RNFT2: variants seen among roughly 807,000 people sequenced by gnomAD.
RNFT2 encodes the protein E3 ubiquitin-protein ligase RNFT2.
In RNFT2, 36 loss-of-function variants were observed where a neutral mutation model predicts 53.0. The ratio of observed to expected loss-of-function variants is 0.68; its 90% CI spans 0.52 to 0.90. The LOEUF is 0.90. Among genes scored for constraint, RNFT2 ranks in the 40% least tolerant of loss-of-function variants. The pLI, the probability that RNFT2 is intolerant of heterozygous loss-of-function variation, is 0.00. For synonymous variants in RNFT2, 260 were observed against 253.2 expected (o/e 1.03, Z -0.26); for missense variants, 514 against 585.6 (o/e 0.88, Z 1.26).
At chr12:116,829,928 C>G (rs903403315) in intron 7 of RNFT2, among the ~76,000 whole-genome samples, 1 of 151,882 alleles carries the variant, frequency 6.6e-6, no homozygotes, top group Non-Finnish European at 1.5e-5. Flanking sequence ...TATAAAAAAT[C>G]TGGAGAGAGC....
At chr12:116,793,584 C>T (rs1184873340) in intron 7 of RNFT2, among the ~76,000 whole-genome samples, 1 of 152,200 alleles carries the variant, frequency 6.6e-6, no homozygotes, top group Non-Finnish European at 1.5e-5. Flanking sequence ...GTCTCTTGCT[C>T]ACTCAGGACC....
chr12:116,830,683 G>C (rs78903267), intron 7 of RNFT2, among the ~76,000 whole-genome samples: 3,963 of 152,198 alleles, frequency 0.026, 159 homozygotes, highest in African/African-American at 0.089. Flanking sequence ...AGTGAAGTAG[G>C]TGGATCACCT....
At chr12:116,748,445 C>T (rs1036067946) in intron 3 of RNFT2, among the ~76,000 whole-genome samples, 1 of 152,196 alleles carries the variant, frequency 6.6e-6, no homozygotes, top group Non-Finnish European at 1.5e-5. Context: ...CTAGAGATAA[C>T]AGTTCCCACG....
At chr12:116,828,455 T>G (rs1876459260) in intron 7 of RNFT2, among the ~76,000 whole-genome samples, 1 of 152,186 alleles carries the variant, frequency 6.6e-6, no homozygotes, top group Middle Eastern at 3.2e-3. Flanking sequence ...CATGCCTCAA[T>G]TCTGGGGCCC....
intron 10 of RNFT2, among the ~76,000 whole-genome samples, 183 bp downstream of exon 10, chr12:116,836,465 C>G (rs369325063): frequency 2.1e-4 from 32 of 152,286 alleles, no homozygotes; most frequent in African/African-American, 7.2e-4. Flanking sequence ...GACTTGGGCA[C>G]GTTATTTCAC....
In RNFT2 at chr12:116,841,880, T is replaced by TAA. The variant is rs1276974940; in HGVS notation, c.1200+5600_1200+5601dup. On this transcript the variant is annotated intron_variant, in intron 10 of 10. Coordinates refer to ENST00000257575, the MANE Select transcript of RNFT2 (RefSeq NM_001382266.1). ...AAAAATATATATATAAATATATATA[T>TAA]AAATATATATAAAAATATATATATA... 8.7e-3 allele frequency among the ~76,000 whole-genome samples: 216 copies of TAA among 24,788 alleles called. 11 individuals are homozygous for TAA. The highest frequency in any genetic ancestry group is 0.016 in the Non-Finnish European group (179 of 11,018). The allele number at this position is 24,788 out of a possible 152,430, so 16.3% of individuals were successfully genotyped here. A position where few individuals can be genotyped will look rare whatever the true frequency, so the allele number is the denominator to read the frequency against.
At chr12:116,751,444 C>A (rs1176194205) in intron 4 of RNFT2, among the ~76,000 whole-genome samples, 1 of 151,938 alleles carries the variant, frequency 6.6e-6, no homozygotes, top group African/African-American at 2.4e-5. Flanking sequence ...GCTCTTGTTG[C>A]CCAGGCTGGA....
At chr12:116,782,536 AT>A (rs1193282931) in intron 7 of RNFT2, among the ~76,000 whole-genome samples, 3 of 152,166 alleles carry the variant, frequency 2.0e-5, no homozygotes, top group Non-Finnish European at 4.4e-5. Context: ...CTTAAAAAAA[AT>A]AAAATAAAAA....
chr12:116,792,579 T>C (rs1158833070), intron 7 of RNFT2, among the ~76,000 whole-genome samples: 1 of 152,072 alleles, frequency 6.6e-6, no homozygotes, highest in African/African-American at 2.4e-5. Context: ...TTGATGATGA[T>C]TATTTTATTC....
chr12:116,751,516 G>A (rs1872249976), intron 4 of RNFT2, among the ~76,000 whole-genome samples: 1 of 151,758 alleles, frequency 6.6e-6, no homozygotes, highest in African/African-American at 2.4e-5. Flanking sequence ...CAATTCTCCT[G>A]CCTCAGCCTC....
At position 116,849,346 on chromosome 12, in the gene RNFT2, G is replaced by GC. The variant is rs1290595176; in HGVS notation, c.1234dup (p.Leu412ProfsTer4). The GC allele has an allele frequency of 6.5e-7, 1 of 1,543,704 alleles. No individual in the cohort carries two copies. Among genetic ancestry groups the GC allele is most frequent in the African/African-American group, 1.4e-5 (1 of 73,056 alleles). On this transcript the variant is annotated frameshift_variant, in exon 11 of 11. Transcript: ENST00000257575. LOFTEE classifies it high-confidence loss of function. Reference sequence around the variant, plus strand: ...TCTGTGAGGAGTGCCTCTGCCTGTGGCTGGACCGTGAGCGCACCTGCCCGC... The same window carrying GC: ...TCTGTGAGGAGTGCCTCTGCCTGTGGCCTGGACCGTGAGCGCACCTGCCCGC...
chr12:116,750,846 TATATA>T (rs375474437), intron 4 of RNFT2, among the ~76,000 whole-genome samples: 2 of 1,984 alleles, frequency 1.0e-3, no homozygotes, highest in Non-Finnish European at 1.6e-3. Context: ...ATATTATATA[TATATA>T]ATATATATTA....
At chr12:116,767,393 A>C (rs564527963) in intron 6 of RNFT2, among the ~76,000 whole-genome samples, 1 of 151,616 alleles carries the variant, frequency 6.6e-6, no homozygotes, top group African/African-American at 2.4e-5. Context: ...TAATTTTTAC[A>C]TTTTTTGTAG....
At chr12:116,845,343 T>C (rs984752240) in intron 10 of RNFT2, among the ~76,000 whole-genome samples, 29 of 151,238 alleles carry the variant, frequency 1.9e-4, no homozygotes, top group Non-Finnish European at 3.4e-4. Context: ...TAATTCCTCA[T>C]GCAATGCTTT....
intron 7 of RNFT2, among the ~76,000 whole-genome samples, chr12:116,800,853 TAA>T (rs769132565): frequency 0.014 from 2,150 of 148,504 alleles, 38 homozygotes; most frequent in South Asian, 0.05. Context: ...TAAAATAAAA[TAA>T]AATAAAAACC....
intron 10 of RNFT2, among the ~76,000 whole-genome samples, chr12:116,843,362 G>A (rs910147555): frequency 6.6e-6 from 1 of 151,686 alleles, no homozygotes; most frequent in Non-Finnish European, 1.5e-5. Context: ...GTGCCATGGT[G>A]CCTGCCTGTA....
At chr12:116,766,793 T>A in intron 5 of RNFT2, 21 bp from the exon 6 acceptor site, 1 of 1,556,432 alleles carries the variant, frequency 6.4e-7, no homozygotes, top group Non-Finnish European at 8.7e-7. Flanking sequence ...TGATATCACA[T>A]ATCTCTTGCT....
intron 3 of RNFT2, chr12:116,748,544 G>A: frequency 4.6e-6 from 1 of 217,720 alleles, no homozygotes; most frequent in Non-Finnish European, 9.8e-6. Flanking sequence ...CCATTTTTCA[G>A]GTGAGAAAGC....
intron 10 of RNFT2, among the ~76,000 whole-genome samples, chr12:116,843,370 G>A (rs1877450210): frequency 6.6e-6 from 1 of 151,492 alleles, no homozygotes; most frequent in South Asian, 2.1e-4. Context: ...GTGCCTGCCT[G>A]TAGTCGAGCT....
Sources: gnomAD v4.1 joint callset for allele counts (sites outside exome capture counted in the v4.1 genomes callset) on GRCh38, gnomAD v4.1.1 for gene constraint, MANE v1.5 for transcripts, NCBI Gene and HGNC (gene_info 2026-07-23, HGNC 2026-07-21) for gene names.